GNA12: variants seen among roughly 807,000 people sequenced by gnomAD.
GNA12 encodes the protein guanine nucleotide-binding protein subunit alpha-12.
GNA12 carries 9 observed loss-of-function variants against 26.0 expected under a neutral mutation model. The observed-to-expected ratio is 0.35, with a 90% CI of 0.21 to 0.60. The LOEUF is 0.60. Among genes scored for constraint, GNA12 ranks in the 20% least tolerant of loss-of-function variants. GNA12 has a pLI of 0.78. For missense variants in GNA12, 405 were observed against 525.8 expected (o/e 0.77, Z 2.25); for synonymous variants, 264 against 219.6 (o/e 1.20, Z -1.79).
At chr7:2,736,194 TTA>T (rs756224225) in intron 2 of GNA12, among the ~76,000 whole-genome samples, 1 of 152,182 alleles carries the variant, frequency 6.6e-6, no homozygotes, top group Non-Finnish European at 1.5e-5. Context: ...CCACATGAAA[TTA>T]ACCGCTTGGT....
In GNA12 at chr7:2,730,886, C is replaced by T. The variant is rs1470484167; in HGVS notation, c.*295G>A. The T allele has an allele frequency of 1.7e-5, 6 of 360,518 alleles. No individual in the cohort carries two copies. Among genetic ancestry groups the T allele is most frequent in the Admixed American group, 1.6e-4 (4 of 25,344 alleles). 22.3% of individuals were successfully genotyped at this position (360,518 alleles called of 1,614,324 possible). On this transcript the variant is annotated 3_prime_UTR_variant, in exon 4 of 4. Coordinates refer to ENST00000275364, the MANE Select transcript of GNA12 (RefSeq NM_007353.3). ...TTAAACTGCGTCAGAAAAAGAGGAA[C>T]GTTTCTGTAAAAGCAAAGCAAGCTG... is the stretch of plus-strand genomic sequence containing the variant.
At chr7:2,754,639 T>C (rs1277695622) in intron 2 of GNA12, among the ~76,000 whole-genome samples, 1 of 151,242 alleles carries the variant, frequency 6.6e-6, no homozygotes, top group African/African-American at 2.4e-5. Context: ...TCCCAGCTAT[T>C]AGGGGAGGCT....
intron 2 of GNA12, among the ~76,000 whole-genome samples, chr7:2,756,298 T>C (rs1213943825): frequency 2.6e-5 from 4 of 152,144 alleles, no homozygotes; most frequent in Non-Finnish European, 5.9e-5. Context: ...AAAAAGGACA[T>C]TGATTCTAAC....
At chr7:2,792,007 G>A (rs1242861353) in intron 2 of GNA12, among the ~76,000 whole-genome samples, 1 of 151,996 alleles carries the variant, frequency 6.6e-6, no homozygotes, top group African/African-American at 2.4e-5. Flanking sequence ...GACTACAACA[G>A]TATATTTTCT....
intron 2 of GNA12, among the ~76,000 whole-genome samples, chr7:2,766,444 G>A (rs1004384388): frequency 2.7e-5 from 4 of 149,494 alleles, no homozygotes; most frequent in African/African-American, 9.9e-5. Context: ...GGAGTGCAGT[G>A]GTGCCATCTT....
At chr7:2,817,592 C>G (rs1443326146) in intron 1 of GNA12, among the ~76,000 whole-genome samples, 1 of 152,208 alleles carries the variant, frequency 6.6e-6, no homozygotes, top group Non-Finnish European at 1.5e-5. Context: ...TTATTTGTCC[C>G]TAACCTGCCC....
intron 2 of GNA12, among the ~76,000 whole-genome samples, chr7:2,734,781 G>C (rs1171389972): frequency 6.6e-6 from 1 of 152,118 alleles, no homozygotes; most frequent in Non-Finnish European, 1.5e-5. Context: ...TGTGTTGAGC[G>C]AGCACACATC....
intron 2 of GNA12, among the ~76,000 whole-genome samples, chr7:2,787,376 G>A (rs1037680856): frequency 3.3e-5 from 5 of 152,104 alleles, no homozygotes; most frequent in African/African-American, 1.2e-4. Flanking sequence ...AAGTCCTTCC[G>A]GCAGCCCTCA....
chr7:2,736,893 G>C (rs1161323033), intron 2 of GNA12, among the ~76,000 whole-genome samples: 1 of 152,188 alleles, frequency 6.6e-6, no homozygotes, highest in Non-Finnish European at 1.5e-5. Flanking sequence ...TTAGGACCAC[G>C]AGAAAAGAGC....
chr7:2,842,785 G>C (rs147453556), intron 1 of GNA12, among the ~76,000 whole-genome samples: 1 of 152,186 alleles, frequency 6.6e-6, no homozygotes, highest in African/African-American at 2.4e-5. Context: ...TAATGGTACT[G>C]CGGTTGTGTT....
intron 2 of GNA12, chr7:2,762,508 C>T: frequency 1.1e-6 from 1 of 942,516 alleles, no homozygotes; most frequent in Admixed American, 3.4e-5. Flanking sequence ...AGTAGCCTAA[C>T]TGTGGACTAC....
chr7:2,742,548 T>C (rs1162426085), intron 2 of GNA12, among the ~76,000 whole-genome samples: 1 of 152,238 alleles, frequency 6.6e-6, no homozygotes, highest in East Asian at 1.9e-4. Context: ...AATTCATCTC[T>C]GTCCTCGCTT....
chr7:2,824,182 T>C (rs1260427445), intron 1 of GNA12, among the ~76,000 whole-genome samples: 2 of 152,194 alleles, frequency 1.3e-5, no homozygotes, highest in East Asian at 1.9e-4. Context: ...AGCCTCTCAC[T>C]GCCCCCACGT....
chr7:2,825,727 A>G (rs1421227952), intron 1 of GNA12, among the ~76,000 whole-genome samples: 7 of 152,184 alleles, frequency 4.6e-5, no homozygotes, highest in Admixed American at 4.6e-4. Context: ...CGTCCAGGAC[A>G]CTGAAAGAAG....
Position 2,730,976 on chromosome 7 carries a change from A to T in GNA12, c.*205T>A. ...ATTTTCAGTAGTTTCACTCGCCCCC[A>T]GGATTCAGTAGCTAACGTGACAGTT... On this transcript the variant is annotated 3_prime_UTR_variant, in exon 4 of 4. Transcript: ENST00000275364. The T allele has an allele frequency of 1.9e-6, 1 of 531,560 alleles. No homozygotes were observed. The highest frequency in any genetic ancestry group is 3.4e-6 in the Non-Finnish European group (1 of 296,612). The allele number at this position is 531,560 out of a possible 1,614,324, so 32.9% of individuals were successfully genotyped here.
At position 2,833,184 on chromosome 7, in the gene GNA12, C is replaced by T. The variant is rs542173801; in HGVS notation, c.309+10669G>A. On this transcript the variant is annotated intron_variant, in intron 1 of 3. Transcript: ENST00000275364. ...AAGTACAAACAAACCATAATAGTTA[C>T]GGCATGAAATGAGCCGGCCTGTCAT... 4.6e-5 allele frequency among the ~76,000 whole-genome samples: 7 copies of T among 152,318 alleles called. No homozygotes were observed. The East Asian group carries it at 9.6e-4, about 21-fold the overall frequency.
At chr7:2,758,173 A>T (rs1456515359) in intron 2 of GNA12, among the ~76,000 whole-genome samples, 2 of 152,118 alleles carry the variant, frequency 1.3e-5, no homozygotes, top group South Asian at 2.1e-4. Context: ...AAAACTCAAC[A>T]TCTCCCCAAC....
In GNA12 at chr7:2,756,372, G is replaced by C. The variant is rs553243656; in HGVS notation, c.526-22871C>G. Reference sequence around the variant, plus strand: ...AACTAGACTGAAAAAAACATAGGATGTCAGGTATGGTGGCTCACATTTATA... The same window carrying C: ...AACTAGACTGAAAAAAACATAGGATCTCAGGTATGGTGGCTCACATTTATA... On this transcript the variant is annotated intron_variant, in intron 2 of 3. Coordinates refer to ENST00000275364, the MANE Select transcript of GNA12 (RefSeq NM_007353.3). 2.0e-5 allele frequency among the ~76,000 whole-genome samples: 3 copies of C among 152,194 alleles called. No individual in the cohort carries two copies. The South Asian group carries it at 6.2e-4, about 32-fold the overall frequency.
At chr7:2,801,026 C>G (rs575717907) in intron 1 of GNA12, among the ~76,000 whole-genome samples, 2 of 152,254 alleles carry the variant, frequency 1.3e-5, no homozygotes, top group South Asian at 2.1e-4. Context: ...ACAGATTTCT[C>G]TGGCGAGGTC....
Sources: allele counts gnomAD v4.1 joint callset (sites outside exome capture counted in the v4.1 genomes callset), GRCh38; gene constraint gnomAD v4.1.1; transcripts MANE v1.5; gene names NCBI Gene and HGNC (gene_info 2026-07-23, HGNC 2026-07-21).